Variants in PARVB observed in about 807,000 individuals in gnomAD.
The protein encoded by PARVB is parvin beta, also known as beta-parvin.
Under a neutral mutation model 47.0 loss-of-function variants are expected in PARVB, and 46 were observed. That is an observed-to-expected ratio of 0.98 (90% CI 0.77 to 1.25). The LOEUF is 1.25. Ranked by LOEUF, PARVB falls within the 50% of genes most tolerant of loss-of-function variation. The pLI is 0.00. For synonymous variants in PARVB, 196 were observed against 196.3 expected, an observed-to-expected ratio of 1.00 and a Z score of 0.01; for missense variants, 473 against 471.6, an observed-to-expected ratio of 1.00 and a Z score of -0.03.
intron 2 of PARVB, among the ~76,000 whole-genome samples, chr22:44,004,960 C>A (rs935029967): frequency 6.6e-6 from 1 of 152,192 alleles, no homozygotes; most frequent in African/African-American, 2.4e-5. Flanking sequence ...TTAAAAGGTT[C>A]TCAGGGACAG....
At chr22:44,007,159 C>T (rs568240242) in intron 2 of PARVB, among the ~76,000 whole-genome samples, 50 of 152,154 alleles carry the variant, frequency 3.3e-4, no homozygotes, top group African/African-American at 1.2e-3. Context: ...TGCGAGGCTG[C>T]GTTTGCGGGT....
At chr22:44,011,002 C>G (rs908126395) in intron 2 of PARVB, among the ~76,000 whole-genome samples, 3 of 151,742 alleles carry the variant, frequency 2.0e-5, no homozygotes, top group Admixed American at 1.3e-4. Context: ...CGTCATTCTC[C>G]TGCCTCAGAG....
intron 1 of PARVB, among the ~76,000 whole-genome samples, chr22:44,082,542 A>C (rs2051928656): frequency 6.6e-6 from 1 of 152,094 alleles, no homozygotes; most frequent in Non-Finnish European, 1.5e-5. Flanking sequence ...AAAACAAAAA[A>C]CAAAAAACAA....
intron 2 of PARVB, among the ~76,000 whole-genome samples, chr22:44,098,413 A>G (rs1411017663): frequency 6.6e-6 from 1 of 152,156 alleles, no homozygotes; most frequent in African/African-American, 2.4e-5. Context: ...GGGTGAAGGA[A>G]ACATGGGCCA....
At chr22:44,009,645 T>G (rs2050501752) in intron 2 of PARVB, 1 of 150,838 alleles carries the variant, frequency 6.6e-6, no homozygotes, top group Non-Finnish European at 1.5e-5. Context: ...TACATATATA[T>G]AAAATAGGTT....
chr22:44,015,066 G>A (rs1263609556), intron 2 of PARVB, among the ~76,000 whole-genome samples: 1 of 151,912 alleles, frequency 6.6e-6, no homozygotes, highest in Non-Finnish European at 1.5e-5. Flanking sequence ...GGCCAGGCTG[G>A]TCTGAAACTC....
chr22:44,127,684 G>T (rs1253595965), intron 4 of PARVB, among the ~76,000 whole-genome samples: 1 of 135,508 alleles, frequency 7.4e-6, no homozygotes, highest in Non-Finnish European at 1.6e-5. Context: ...GGTAAAGGAG[G>T]TGTTTCTAGG....
At chr22:44,074,969 C>G (rs145562074) in intron 1 of PARVB, among the ~76,000 whole-genome samples, 5 of 152,344 alleles carry the variant, frequency 3.3e-5, no homozygotes, top group African/African-American at 1.2e-4. Flanking sequence ...AGCCTCAACA[C>G]TGAGGATTCT....
In PARVB at chr22:44,051,392, CTG is replaced by C. The variant is rs149281887; in HGVS notation, c.112+26944_112+26945del. ...CTGCCATTGTAGATAGCCTGTGACT[CTG>C]TGGCTGGCGCCTGGCTGGCCTCAGT... On this transcript the variant is annotated intron_variant, in intron 1 of 12. Transcript: ENST00000338758. Among the ~76,000 whole-genome samples, 899 of 152,278 alleles carry C rather than the reference CTG, an allele frequency of 5.9e-3. 15 individuals carry two copies. The highest frequency in any genetic ancestry group is 0.02 in the African/African-American group (842 of 41,558).
At chr22:44,055,413 CA>C (rs1409381202) in intron 1 of PARVB, among the ~76,000 whole-genome samples, 1 of 151,758 alleles carries the variant, frequency 6.6e-6, no homozygotes, top group African/African-American at 2.4e-5. Context: ...CGGCTCAGTG[CA>C]ACCTCTGACT....
At chr22:44,151,895 G>T (rs1360511915) in intron 10 of PARVB, 3 of 263,068 alleles carry the variant, frequency 1.1e-5, no homozygotes, top group Non-Finnish European at 2.3e-5. Flanking sequence ...AGCTTCTGTG[G>T]TTTTGCCAGG....
In PARVB at chr22:44,024,315, C is replaced by T; in HGVS notation, c.-25C>T. On this transcript the variant is annotated 5_prime_UTR_variant, in exon 1 of 13. Coordinates refer to ENST00000338758, the MANE Select transcript of PARVB (RefSeq NM_013327.5). ...CCGGGCGGCTCCACACGCGCTGCGC[C>T]CGCCGCCGGCCCCACGCGCGGCCCA... The T allele has an allele frequency of 9.9e-7, 1 of 1,014,826 alleles. No homozygotes were observed. 62.9% of individuals were successfully genotyped at this position (1,014,826 alleles called of 1,614,324 possible).
At chr22:44,146,471 CTCCTT>C (rs1482773392) in intron 8 of PARVB, 1 of 152,442 alleles carries the variant, frequency 6.6e-6, no homozygotes. Flanking sequence ...CTTTCCTTCT[CTCCTT>C]TCCTCTTTGT....
rs947735910 is a variant in PARVB at position 44,168,855 on chromosome 22, G to A, written c.*177G>A. The A allele has an allele frequency of 9.9e-4, 550 of 557,922 alleles. 2 individuals carry two copies. The highest frequency in any genetic ancestry group is 1.5e-3 in the Non-Finnish European group (476 of 319,448). 34.6% of individuals were successfully genotyped at this position (557,922 alleles called of 1,614,324 possible). Reference sequence around the variant, plus strand: ...CCACCCCCTGCCTCTTTTGGTTGTTGTTCTTAATCTCCTCTCCATGTAGTT... The same window carrying A: ...CCACCCCCTGCCTCTTTTGGTTGTTATTCTTAATCTCCTCTCCATGTAGTT... On this transcript the variant is annotated 3_prime_UTR_variant, in exon 13 of 13. Transcript: ENST00000338758.
chr22:44,101,428 A>T (rs543083812), intron 3 of PARVB, among the ~76,000 whole-genome samples: 2 of 148,434 alleles, frequency 1.3e-5, no homozygotes, highest in African/African-American at 5.1e-5. Flanking sequence ...AAAAAATAAA[A>T]AATAAAATAT....
intron 5 of PARVB, among the ~76,000 whole-genome samples, chr22:44,132,262 T>C (rs971162321): frequency 6.6e-6 from 1 of 152,150 alleles, no homozygotes; most frequent in African/African-American, 2.4e-5. Flanking sequence ...CCCGGTTTCT[T>C]GGTATCGAGA....
chr22:44,072,502 G>A (rs964305628), intron 1 of PARVB, among the ~76,000 whole-genome samples: 7 of 152,140 alleles, frequency 4.6e-5, no homozygotes, highest in Admixed American at 3.3e-4. Flanking sequence ...GTGCAGTGGC[G>A]TGATCTCATC....
chr22:44,076,841 G>C (rs1185769644), intron 1 of PARVB, among the ~76,000 whole-genome samples: 1 of 152,146 alleles, frequency 6.6e-6, no homozygotes, highest in Non-Finnish European at 1.5e-5. Context: ...CAGGCTGGGG[G>C]CTGGGGCTGG....
chr22:44,120,562 G>A (rs2053021423), intron 4 of PARVB, among the ~76,000 whole-genome samples: 1 of 152,172 alleles, frequency 6.6e-6, no homozygotes, highest in Admixed American at 6.5e-5. Flanking sequence ...AGCACACAAT[G>A]TCAGGCTGCC....
Sources: allele counts gnomAD v4.1 joint callset (sites outside exome capture counted in the v4.1 genomes callset), GRCh38; gene constraint gnomAD v4.1.1; transcripts MANE v1.5; gene names NCBI Gene and HGNC (gene_info 2026-07-23, HGNC 2026-07-21).